MTA3: variants seen among roughly 807,000 people sequenced by gnomAD.
MTA3 encodes the protein metastasis-associated protein MTA3.
A neutral mutation model predicts 83.5 loss-of-function variants in MTA3; 34 were observed. The ratio of observed to expected loss-of-function variants is 0.41; its 90% CI spans 0.31 to 0.54. The LOEUF (loss-of-function observed/expected upper bound fraction) is 0.54, where lower values mean the gene tolerates loss of function less well. Ranked by LOEUF, MTA3 falls within the 20% of genes least tolerant of loss-of-function variation. The pLI is 0.33. For missense variants in MTA3, 761 were observed against 726.4 expected, an observed-to-expected ratio of 1.05 and a Z score of -0.55; for synonymous variants, 303 against 252.7, an observed-to-expected ratio of 1.20 and a Z score of -1.89.
At position 42,755,679 on chromosome 2, in the gene MTA3, G is replaced by A. The variant is rs892718612; in HGVS notation, c.*2280G>A. On this transcript the variant is annotated 3_prime_UTR_variant, in exon 17 of 17. Coordinates refer to ENST00000405094, the MANE Select transcript of MTA3 (RefSeq NM_001330442.2). ...GGCGCCTCTAGTCTGTGCCTTTGCC[G>A]TTGGAAGCATTTGGTGCTGAGAGGG... is the stretch of plus-strand genomic sequence containing the variant. The A allele has an allele frequency of 1.1e-5, 11 of 985,422 alleles. No individual in the cohort carries two copies. The highest frequency in any genetic ancestry group is 5.2e-5 in the African/African-American group (3 of 57,254). The allele number at this position is 985,422 out of a possible 1,614,324, so 61.0% of individuals were successfully genotyped here.
intron 16 of MTA3, among the ~76,000 whole-genome samples, chr2:42,748,245 T>TC (rs34424501): frequency 3.0e-5 from 3 of 100,314 alleles, no homozygotes; most frequent in Non-Finnish European, 6.5e-5. Context: ...GTGTGTGTTT[T>TC]AGTAGAGACG....
At chr2:42,519,226 G>A (rs1416140559) in intron 2 of MTA3, among the ~76,000 whole-genome samples, 1 of 152,038 alleles carries the variant, frequency 6.6e-6, no homozygotes, top group Non-Finnish European at 1.5e-5. Context: ...ATCTGATTAT[G>A]AGAAAAACAT....
intron 16 of MTA3, among the ~76,000 whole-genome samples, chr2:42,731,530 C>T (rs1464723768): frequency 6.6e-6 from 1 of 152,130 alleles, no homozygotes. Context: ...CATCAGATCT[C>T]GTGAGACTTA....
chr2:42,598,080 T>C (rs1682051193), intron 3 of MTA3, among the ~76,000 whole-genome samples: 1 of 151,636 alleles, frequency 6.6e-6, no homozygotes, highest in South Asian at 2.1e-4. Context: ...TTCTTTTCTT[T>C]TTGTTTTTTT....
intron 2 of MTA3, among the ~76,000 whole-genome samples, chr2:42,577,365 A>G (rs1204180134): frequency 6.6e-6 from 1 of 151,784 alleles, no homozygotes; most frequent in South Asian, 2.1e-4. Context: ...ATTTTGAACT[A>G]TGCTCCCCGC....
intron 2 of MTA3, among the ~76,000 whole-genome samples, chr2:42,561,447 T>A (rs2103800896): frequency 6.6e-6 from 1 of 152,224 alleles, no homozygotes; most frequent in Non-Finnish European, 1.5e-5. Context: ...CTCAGCCTTC[T>A]GAGTAGTTGG....
At chr2:42,677,198 C>A (rs959843729) in intron 8 of MTA3, among the ~76,000 whole-genome samples, 12 of 152,058 alleles carry the variant, frequency 7.9e-5, no homozygotes, top group African/African-American at 2.9e-4. Flanking sequence ...CTCTGTGTCC[C>A]CACCCAAATC....
intron 5 of MTA3, 37 bp downstream of exon 5, chr2:42,640,273 C>G (rs1389185299): frequency 7.1e-7 from 1 of 1,404,934 alleles, no homozygotes. Context: ...TTTTTTCTCC[C>G]TTTATTTCAC....
chr2:42,671,585 C>G (rs1407098276), intron 8 of MTA3, among the ~76,000 whole-genome samples: 2 of 152,124 alleles, frequency 1.3e-5, no homozygotes, highest in South Asian at 2.1e-4. Context: ...GAATGTCCCT[C>G]TAATTATCAC....
chr2:42,668,858 C>A (rs1275357012), intron 8 of MTA3, among the ~76,000 whole-genome samples: 2 of 150,590 alleles, frequency 1.3e-5, no homozygotes, highest in Admixed American at 6.6e-5. Flanking sequence ...ATAATTTTTT[C>A]AAAAAAAAAT....
intron 7 of MTA3, among the ~76,000 whole-genome samples, chr2:42,656,512 T>G (rs1689184358): frequency 6.6e-6 from 1 of 152,132 alleles, no homozygotes. Flanking sequence ...TTTTTACTGA[T>G]TAAGAAAACA....
intron 4 of MTA3, among the ~76,000 whole-genome samples, chr2:42,628,255 A>G (rs1243171450): frequency 1.0e-5 from 1 of 95,852 alleles, no homozygotes; most frequent in African/African-American, 4.4e-5. Context: ...TTTGAGATGG[A>G]GTTTTGCTCT....
At chr2:42,529,363 T>C (rs770115572) in intron 2 of MTA3, among the ~76,000 whole-genome samples, 2 of 152,176 alleles carry the variant, frequency 1.3e-5, no homozygotes, top group South Asian at 2.1e-4. Flanking sequence ...ACCAAAGGAA[T>C]TGGCACAGCT....
chr2:42,495,358 A>G (rs1674083877), intron 2 of MTA3: 1 of 152,404 alleles, frequency 6.6e-6, no homozygotes, highest in South Asian at 2.1e-4. Flanking sequence ...TCTTAAGAGC[A>G]CTAAATGTGA....
intron 15 of MTA3, among the ~76,000 whole-genome samples, chr2:42,721,711 G>C (rs1306620387): frequency 6.6e-6 from 1 of 152,088 alleles, no homozygotes; most frequent in African/African-American, 2.4e-5. Context: ...AAGATATTTA[G>C]GATTCGAATA....
At position 42,644,220 on chromosome 2, in the gene MTA3, G is replaced by C; in HGVS notation, c.475G>C (p.Asp159His). Reference protein sequence around the residue: ...EIRVGPRYQADIPEMLLEGES... With the variant: ...EIRVGPRYQAHIPEMLLEGES... ...CAGAGTGGGACCTAGATATCAAGCAGACATTCCAGAAATGCTGTTAGAAGG... is the reference window on the plus strand; with the variant it reads ...CAGAGTGGGACCTAGATATCAAGCACACATTCCAGAAATGCTGTTAGAAGG... Residue 159 changes from aspartate (D) to histidine (H), a missense_variant, in exon 6 of 17, where the codon GAC becomes CAC. Transcript: ENST00000405094. The C allele has an allele frequency of 6.2e-7, 1 of 1,611,408 alleles. No homozygotes were observed.
chr2:42,552,623 CA>C (rs536783114), intron 2 of MTA3, among the ~76,000 whole-genome samples: 4,847 of 88,302 alleles, frequency 0.055, 81 homozygotes, highest in African/African-American at 0.1. Flanking sequence ...ACTCCTTGTC[CA>C]AAAAAAAAAA....
At chr2:42,722,384 T>C (rs962663173) in intron 15 of MTA3, among the ~76,000 whole-genome samples, 1 of 152,334 alleles carries the variant, frequency 6.6e-6, no homozygotes. Context: ...TATATCAAAA[T>C]GTTCTAGGCT....
At chr2:42,624,009 G>A (rs528793912) in intron 4 of MTA3, among the ~76,000 whole-genome samples, 1 of 152,042 alleles carries the variant, frequency 6.6e-6, no homozygotes, top group Non-Finnish European at 1.5e-5. Context: ...CACTTCGCCC[G>A]GTCTGGTAGT....
Sources: gnomAD v4.1 joint callset for allele counts (sites outside exome capture counted in the v4.1 genomes callset) on GRCh38, gnomAD v4.1.1 for gene constraint, MANE v1.5 for transcripts, NCBI Gene and HGNC (gene_info 2026-07-23, HGNC 2026-07-21) for gene names.